Variants in KANSL1 observed in about 807,000 individuals in gnomAD.
KANSL1 encodes KAT8 regulatory NSL complex subunit 1.
Under a neutral mutation model 103.6 loss-of-function variants are expected in KANSL1, and 22 were observed. The ratio of observed to expected loss-of-function variants is 0.21; its 90% CI spans 0.15 to 0.30. The LOEUF is 0.30. Ranked by LOEUF, KANSL1 falls within the 10% of genes least tolerant of loss-of-function variation. The pLI, the probability that KANSL1 is intolerant of heterozygous loss-of-function variation, is 1.00. For synonymous variants in KANSL1, 600 were observed against 527.6 expected (o/e 1.14, Z -1.88); for missense variants, 1,337 against 1,399.8 (o/e 0.96, Z 0.72).
rs200373370 is a variant in KANSL1, at chr17:46,033,097, G to A, written c.2820C>T (p.Pro940=). Residue 940 remains proline, a synonymous_variant, in exon 13 of 15, where the codon CCC becomes CCT. Transcript: ENST00000432791. ...ARWLWTTSVP[P]QRRGSRSYRS... ...CCCATCACCTGCTGCCCCGCCGCTG[G>A]GGTGGCACACTCGTGGTCCACAGCC... 3 of 1,592,252 alleles carry A rather than the reference G, an allele frequency of 1.9e-6. No individual in the cohort carries two copies. In the East Asian group the frequency reaches 6.9e-5, roughly 36 times the overall value.
intron 6 of KANSL1, among the ~76,000 whole-genome samples, chr17:46,056,993 G>A (rs1275014690): frequency 6.6e-6 from 1 of 152,120 alleles, no homozygotes; most frequent in East Asian, 1.9e-4. Context: ...CAAAATCACT[G>A]AGAACCATGA....
At chr17:46,053,609 T>A (rs918681006) in intron 6 of KANSL1, among the ~76,000 whole-genome samples, 4 of 151,960 alleles carry the variant, frequency 2.6e-5, no homozygotes, top group Admixed American at 2.6e-4. Context: ...TATTTTTGTA[T>A]TTTTTTAGTA....
intron 2 of KANSL1, 32 bp from the exon 3 acceptor site, chr17:46,094,733 A>C (rs1263540729): frequency 1.2e-6 from 2 of 1,613,480 alleles, no homozygotes; most frequent in Non-Finnish European, 1.7e-6. Flanking sequence ...GAAATCCAAG[A>C]GTAGCAGTAA....
At chr17:46,044,127 A>C (rs1416615661) in intron 7 of KANSL1, 1 of 152,218 alleles carries the variant, frequency 6.6e-6, no homozygotes, top group African/African-American at 2.4e-5. Flanking sequence ...AAGCAAAAAA[A>C]GGGATATGAA....
chr17:46,170,906 A>G lies in KANSL1; in HGVS notation c.1238T>C (p.Ile413Thr), dbSNP rs771520012. 3.1e-6 allele frequency: 5 copies of G among 1,613,994 alleles called. No homozygotes were observed. Among genetic ancestry groups the G allele is most frequent in the African/African-American group, 1.3e-5 (1 of 75,030 alleles). ...TDSSSGGESDIEEEELTRADP... is the reference protein window; with the variant it reads ...TDSSSGGESDTEEEELTRADP... ...AGCTCTGGTCAGTTCTTCCTCTTCA[A>G]TATCAGACTCCCCTCCTGAACTACT... The change falls in exon 2 of 15, where the codon ATT (isoleucine) becomes ACT (threonine). Residue 413 changes from isoleucine (I) to threonine (T), a missense_variant. Ile to Thr is a moderately conservative substitution (Grantham distance 89). Coordinates refer to ENST00000432791, the MANE Select transcript of KANSL1 (RefSeq NM_015443.4).
At chr17:46,186,871 G>A (rs2047059929) in intron 1 of KANSL1, among the ~76,000 whole-genome samples, 1 of 152,076 alleles carries the variant, frequency 6.6e-6, no homozygotes, top group African/African-American at 2.4e-5. Context: ...GGGACTACAG[G>A]CATGCGCCAC....
At position 46,084,785 on chromosome 17, in the gene KANSL1, C is replaced by G. The variant is rs1486249330; in HGVS notation, c.1432-2243G>C. On this transcript the variant is annotated intron_variant, in intron 3 of 14. Coordinates refer to ENST00000432791, the MANE Select transcript of KANSL1 (RefSeq NM_015443.4). ...TTAACTAGTAAGCAAGAAACATTAA[C>G]CCTAGCCTTTAAAATGAGGTTTCTC... Among the ~76,000 whole-genome samples the G allele has an allele frequency of 2.7e-5, 4 of 149,924 alleles. No homozygotes were observed. In the East Asian group the frequency reaches 7.8e-4, roughly 29 times the overall value.
intron 3 of KANSL1, among the ~76,000 whole-genome samples, chr17:46,087,046 C>G (rs898823752): frequency 3.9e-5 from 6 of 152,128 alleles, no homozygotes; most frequent in Non-Finnish European, 7.4e-5. Context: ...GGGTTGCAGG[C>G]ATGAGCCACT....
At chr17:46,170,521 T>G (rs181179767) in intron 2 of KANSL1, 261 of 324,516 alleles carry the variant, frequency 8.0e-4, no homozygotes, top group African/African-American at 5.5e-3. Context: ...CATTAACTTA[T>G]CATGTCCTAT....
chr17:46,036,934 A>C (rs1168422059), intron 10 of KANSL1, among the ~76,000 whole-genome samples: 1 of 151,760 alleles, frequency 6.6e-6, no homozygotes, highest in South Asian at 2.1e-4. Context: ...ATGGTCTCGA[A>C]CTCCTGACCT....
intron 4 of KANSL1, among the ~76,000 whole-genome samples, chr17:46,068,740 A>G (rs1323993388): frequency 6.6e-6 from 1 of 152,226 alleles, no homozygotes; most frequent in Non-Finnish European, 1.5e-5. Flanking sequence ...GATGAGAAAG[A>G]ATAGAAAAAG....
At chr17:46,216,215 T>C (rs1029095234) in intron 1 of KANSL1, among the ~76,000 whole-genome samples, 3 of 152,158 alleles carry the variant, frequency 2.0e-5, no homozygotes, top group Non-Finnish European at 2.9e-5. Flanking sequence ...CAAGTTTATC[T>C]AAGGCATTCC....
intron 2 of KANSL1, among the ~76,000 whole-genome samples, chr17:46,131,786 A>G (rs577781142): frequency 4.5e-4 from 69 of 152,330 alleles, no homozygotes; most frequent in Admixed American, 2.3e-3. Context: ...TCTCAGACAT[A>G]GATAGCAACA....
chr17:46,168,509 A>G (rs553215219), intron 2 of KANSL1, among the ~76,000 whole-genome samples: 36 of 152,272 alleles, frequency 2.4e-4, no homozygotes, highest in South Asian at 1.7e-3. Context: ...CACCACGCCC[A>G]ACTAATTTTG....
intron 6 of KANSL1, among the ~76,000 whole-genome samples, chr17:46,052,712 G>C (rs2077754098): frequency 6.7e-6 from 1 of 150,006 alleles, no homozygotes; most frequent in Non-Finnish European, 1.5e-5. Context: ...TGAGGTGGGA[G>C]AGAGGATTGC....
At chr17:46,113,553 T>C (rs1453136526) in intron 2 of KANSL1, among the ~76,000 whole-genome samples, 3 of 152,186 alleles carry the variant, frequency 2.0e-5, no homozygotes, top group Non-Finnish European at 2.9e-5. Context: ...GGGCAAACTG[T>C]TTATCGCACG....
chr17:46,168,493 G>A (rs546496284), intron 2 of KANSL1, among the ~76,000 whole-genome samples: 8 of 152,274 alleles, frequency 5.3e-5, no homozygotes, highest in Non-Finnish European at 7.3e-5. Context: ...ATGTAGAGGC[G>A]TGTGCCACCA....
chr17:46,041,342 T>C (rs2077306767), intron 7 of KANSL1: 1 of 152,234 alleles, frequency 6.6e-6, no homozygotes, highest in African/African-American at 2.4e-5. Flanking sequence ...CTTTTAGATT[T>C]TCCTTTTCAT....
chr17:46,150,871 CT>C (rs543881288), intron 2 of KANSL1, among the ~76,000 whole-genome samples: 136 of 148,510 alleles, frequency 9.2e-4, no homozygotes, highest in Non-Finnish European at 1.4e-3. Flanking sequence ...TGCATTATGG[CT>C]TTTATAAACA....
Sources: gnomAD v4.1 joint callset for allele counts (sites outside exome capture counted in the v4.1 genomes callset) on GRCh38, gnomAD v4.1.1 for gene constraint, MANE v1.5 for transcripts, NCBI Gene and HGNC (gene_info 2026-07-23, HGNC 2026-07-21) for gene names.